ACOXL: variants seen among roughly 807,000 people sequenced by gnomAD.
The protein encoded by ACOXL is acyl-coenzyme A oxidase-like protein.
Under a neutral mutation model 71.9 loss-of-function variants are expected in ACOXL, and 70 were observed. That is an observed-to-expected ratio of 0.97 (90% CI 0.80 to 1.19). The LOEUF (loss-of-function observed/expected upper bound fraction) is 1.19, where lower values mean the gene tolerates loss of function less well. Ranked by LOEUF, ACOXL falls within the 50% of genes most tolerant of loss-of-function variation. ACOXL has a pLI of 0.00. For missense variants in ACOXL, 703 were observed against 736.3 expected (o/e 0.95, Z 0.52); for synonymous variants, 253 against 281.6 (o/e 0.90, Z 1.02).
intron 16 of ACOXL, among the ~76,000 whole-genome samples, chr2:111,057,366 C>T (rs919534790): frequency 1.4e-4 from 21 of 152,220 alleles, no homozygotes; most frequent in African/African-American, 4.8e-4. Flanking sequence ...TTGCTGTGCA[C>T]ATTTCCCCAG....
At chr2:111,030,489 G>C (rs942755724) in intron 14 of ACOXL, among the ~76,000 whole-genome samples, 1 of 152,190 alleles carries the variant, frequency 6.6e-6, no homozygotes, top group African/African-American at 2.4e-5. Flanking sequence ...TGCGGCCCCA[G>C]GTGATGTTGC....
At chr2:110,990,008 C>G (rs887036499) in intron 13 of ACOXL, among the ~76,000 whole-genome samples, 3 of 151,926 alleles carry the variant, frequency 2.0e-5, no homozygotes, top group African/African-American at 7.3e-5. Flanking sequence ...CCATTGCACT[C>G]CAGGCTGGGC....
chr2:110,833,516 G>A (rs921568813), intron 9 of ACOXL, among the ~76,000 whole-genome samples: 1 of 152,146 alleles, frequency 6.6e-6, no homozygotes, highest in African/African-American at 2.4e-5. Flanking sequence ...TATCAGGGGA[G>A]TATCCTGCTT....
intron 10 of ACOXL, among the ~76,000 whole-genome samples, chr2:110,891,438 G>T (rs1697919695): frequency 6.6e-6 from 1 of 150,758 alleles, no homozygotes; most frequent in South Asian, 2.1e-4. Context: ...CTTTTATCTA[G>T]AGAATTAGGT....
chr2:110,856,666 T>A lies in ACOXL; in HGVS notation c.788+15261T>A, dbSNP rs1693287934. On this transcript the variant is annotated intron_variant, in intron 10 of 17. Coordinates refer to ENST00000439055, the MANE Select transcript of ACOXL (RefSeq NM_001142807.4). Reference sequence around the variant, plus strand: ...ATTGTAAAAGGTACAGCCACAGGGGTGATAAGCACTTAATTAAGATGGAAA... The same window carrying A: ...ATTGTAAAAGGTACAGCCACAGGGGAGATAAGCACTTAATTAAGATGGAAA... Among the ~76,000 whole-genome samples the A allele has an allele frequency of 3.3e-5, 5 of 152,062 alleles. No homozygotes were observed. The South Asian group carries it at 1.0e-3, about 32-fold the overall frequency.
intron 10 of ACOXL, among the ~76,000 whole-genome samples, chr2:110,888,575 A>G (rs186556530): frequency 3.3e-5 from 5 of 152,328 alleles, no homozygotes; most frequent in Admixed American, 1.3e-4. Flanking sequence ...TAGGGCCCAT[A>G]TTCTCATAGG....
chr2:110,741,830 A>C (rs960201300), intron 1 of ACOXL, among the ~76,000 whole-genome samples: 16 of 152,192 alleles, frequency 1.1e-4, no homozygotes, highest in African/African-American at 3.6e-4. Flanking sequence ...GCAAGCACTC[A>C]GAGAAAACAC....
intron 14 of ACOXL, among the ~76,000 whole-genome samples, chr2:111,013,664 A>T (rs569178147): frequency 6.6e-6 from 1 of 152,018 alleles, no homozygotes; most frequent in Admixed American, 6.6e-5. Context: ...GTCAAAATGA[A>T]TTTAATTTGT....
chr2:110,903,450 C>T (rs563597376), intron 10 of ACOXL, among the ~76,000 whole-genome samples: 1 of 152,358 alleles, frequency 6.6e-6, no homozygotes, highest in South Asian at 2.1e-4. Flanking sequence ...GCATCATTCA[C>T]AGCACTCTGC....
At chr2:110,979,886 G>A (rs1043518301) in intron 12 of ACOXL, among the ~76,000 whole-genome samples, 1 of 152,184 alleles carries the variant, frequency 6.6e-6, no homozygotes, top group African/African-American at 2.4e-5. Context: ...AGGCTTTGCA[G>A]AAATTCTGAG....
intron 3 of ACOXL, among the ~76,000 whole-genome samples, chr2:110,792,626 C>A (rs562542869): frequency 6.6e-6 from 1 of 151,996 alleles, no homozygotes; most frequent in African/African-American, 2.4e-5. Flanking sequence ...CTCATCTCTA[C>A]TAAAAATAAA....
Position 110,995,821 on chromosome 2 carries a change from A to G in ACOXL, c.1170-72A>G, listed in dbSNP as rs1048017070. The G allele has an allele frequency of 2.6e-6, 3 of 1,139,216 alleles. No homozygotes were observed. The African/African-American group carries it at 4.7e-5, about 18-fold the overall frequency. 70.6% of individuals were successfully genotyped at this position (1,139,216 alleles called of 1,614,324 possible). A position where few individuals can be genotyped will look rare whatever the true frequency, so the allele number is the denominator to read the frequency against. The stretch of plus-strand genomic sequence containing the variant: ...AAAAATAGTTTTAAAAAACAAACCT[A>G]CTCTATTTCTTTCAAATGAAATTCT... On this transcript the variant is annotated intron_variant, in intron 13 of 17. Coordinates refer to ENST00000439055, the MANE Select transcript of ACOXL (RefSeq NM_001142807.4).
At chr2:110,873,917 G>A (rs1695575467) in intron 10 of ACOXL, among the ~76,000 whole-genome samples, 1 of 152,240 alleles carries the variant, frequency 6.6e-6, no homozygotes, top group African/African-American at 2.4e-5. Flanking sequence ...TGAGGCTGAG[G>A]ATGAGGCACA....
chr2:111,102,102 T>C (rs2069204395), intron 17 of ACOXL: 1 of 152,606 alleles, frequency 6.6e-6, no homozygotes. Flanking sequence ...AGGGAAAATA[T>C]GAGTACAAAC....
At chr2:110,948,790 C>G (rs555802112) in intron 12 of ACOXL, among the ~76,000 whole-genome samples, 3 of 150,156 alleles carry the variant, frequency 2.0e-5, no homozygotes, top group Non-Finnish European at 2.9e-5. Flanking sequence ...ACTCGAAGCT[C>G]GTCTGGAACA....
chr2:111,045,221 G>C (rs531451406), intron 15 of ACOXL, among the ~76,000 whole-genome samples: 1 of 152,172 alleles, frequency 6.6e-6, no homozygotes, highest in African/African-American at 2.4e-5. Context: ...TTAGGCAGTC[G>C]ATCCCTTGAA....
rs1298132821 is a variant in ACOXL at position 111,049,184 on chromosome 2, A to G, written c.1370-34A>G. ...TCAGAAGGGCTCTGAGGCGGAAGTG[A>G]AGTCATTCACAATTTCCATTTCTTC... On this transcript the variant is annotated intron_variant, in intron 15 of 17. Coordinates refer to ENST00000439055, the MANE Select transcript of ACOXL (RefSeq NM_001142807.4). The G allele has an allele frequency of 3.3e-6, 5 of 1,528,208 alleles. No homozygotes were observed. The South Asian group carries it at 4.5e-5, about 14-fold the overall frequency. The allele number at this position is 1,528,208 out of a possible 1,614,324, so 94.7% of individuals were successfully genotyped here.
intron 10 of ACOXL, among the ~76,000 whole-genome samples, chr2:110,877,971 G>A (rs768230583): frequency 1.3e-5 from 2 of 152,232 alleles, no homozygotes; most frequent in Non-Finnish European, 1.5e-5. Context: ...GCACTGGAAG[G>A]TTGGGTGTGT....
At chr2:110,928,505 T>A (rs2060361205) in intron 11 of ACOXL, among the ~76,000 whole-genome samples, 1 of 152,218 alleles carries the variant, frequency 6.6e-6, no homozygotes, top group Non-Finnish European at 1.5e-5. Context: ...ATCCCTGCCA[T>A]TTGTGCACTA....
Sources: gnomAD v4.1 joint callset for allele counts (sites outside exome capture counted in the v4.1 genomes callset) on GRCh38, gnomAD v4.1.1 for gene constraint, MANE v1.5 for transcripts, NCBI Gene and HGNC (gene_info 2026-07-23, HGNC 2026-07-21) for gene names.